Variants in ADAM17 observed in about 807,000 individuals in gnomAD.
ADAM17 encodes the protein ADAM metallopeptidase domain 17, also known as disintegrin and metalloproteinase domain-containing protein 17.
A neutral mutation model predicts 96.7 loss-of-function variants in ADAM17; 39 were observed. The observed-to-expected ratio is 0.40, with a 90% CI of 0.31 to 0.53. ADAM17 has a LOEUF of 0.53. Ranked by LOEUF, ADAM17 falls within the 20% of genes least tolerant of loss-of-function variation. The probability of loss-of-function intolerance (pLI) is 0.44; values close to 1 mark genes in which losing one functional copy is unlikely to be tolerated. For missense variants in ADAM17, 777 were observed against 1,013.2 expected (o/e 0.77, Z 3.17); for synonymous variants, 344 against 359.2 (o/e 0.96, Z 0.48).
At position 9,510,134 on chromosome 2, in the gene ADAM17, T is replaced by TA. The variant is rs374848572; in HGVS notation, c.1192-4dup. 3.2e-5 allele frequency: 51 copies of TA among 1,614,022 alleles called. No homozygotes were observed. Among genetic ancestry groups the TA allele is most frequent in the Non-Finnish European group, 4.2e-5 (49 of 1,179,948 alleles). ...TGAGTTGTAACCAGGTCAGCTTCCTTAAGGATCATGCAAAGAAAACATTAT... is the reference window on the plus strand; with the variant it reads ...TGAGTTGTAACCAGGTCAGCTTCCTTAAAGGATCATGCAAAGAAAACATTAT... On this transcript the variant is annotated splice_polypyrimidine_tract_variant and splice_region_variant and intron_variant, in intron 10 of 18. Transcript: ENST00000310823.
chr2:9,545,532 T>C (rs1051104994), intron 1 of ADAM17, among the ~76,000 whole-genome samples: 6 of 151,606 alleles, frequency 4.0e-5, no homozygotes, highest in African/African-American at 1.2e-4. Context: ...ATCACACCAC[T>C]ACTCTCCAGC....
chr2:9,517,825 TA>T (rs1664132208), intron 10 of ADAM17, 75 bp downstream of exon 10: 1 of 969,268 alleles, frequency 1.0e-6, no homozygotes. Context: ...TTTAAAAAAA[TA>T]CCTACATAAA....
intron 4 of ADAM17, among the ~76,000 whole-genome samples, chr2:9,530,577 G>A (rs1292417634): frequency 6.6e-6 from 1 of 152,076 alleles, no homozygotes; most frequent in Non-Finnish European, 1.5e-5. Flanking sequence ...ATGAGTAATT[G>A]ACTAAAAGGC....
chr2:9,537,774 T>C (rs1665022052), intron 2 of ADAM17, among the ~76,000 whole-genome samples: 1 of 149,244 alleles, frequency 6.7e-6, no homozygotes, highest in Admixed American at 6.7e-5. Context: ...AAACAACATA[T>C]CTTGCAAAAA....
At chr2:9,514,512 A>AATATAAATAT (rs1166746297) in intron 10 of ADAM17, among the ~76,000 whole-genome samples, 1 of 89,240 alleles carries the variant, frequency 1.1e-5, no homozygotes, top group Admixed American at 1.5e-4. Flanking sequence ...TTAAATTTAA[A>AATATAAATAT]ATATAAATAT....
chr2:9,520,984 A>AAAAAAAAAAAAAAAT (rs1664284442), intron 8 of ADAM17, among the ~76,000 whole-genome samples: 1 of 147,778 alleles, frequency 6.8e-6, no homozygotes, highest in Non-Finnish European at 1.5e-5. Context: ...AAAAAAAAAA[A>AAAAAAAAAAAAAAAT]AAGGAAGCAT....
At chr2:9,503,406 C>G (rs1436853554) in intron 12 of ADAM17, among the ~76,000 whole-genome samples, 1 of 152,170 alleles carries the variant, frequency 6.6e-6, no homozygotes, top group African/African-American at 2.4e-5. Context: ...CCACACTATT[C>G]CAGTATATAG....
rs895479845 is a variant in ADAM17, at chr2:9,489,761, G to A, written c.*416C>T. 2 of 124,652 alleles carry A rather than the reference G, an allele frequency of 1.6e-5. No individual in the cohort carries two copies. Among genetic ancestry groups the A allele is most frequent in the African/African-American group, 6.2e-5 (2 of 32,228 alleles). The allele number at this position is 124,652 out of a possible 1,614,324, so 7.7% of individuals were successfully genotyped here. On this transcript the variant is annotated 3_prime_UTR_variant, in exon 19 of 19. Coordinates refer to ENST00000310823, the MANE Select transcript of ADAM17 (RefSeq NM_003183.6). ...AAAAAAAAAAAAAACTATTCCAGTT[G>A]TCATCACAAATAAATGCCAAATGCC...
At chr2:9,499,273 A>T (rs1662850301) in intron 13 of ADAM17, among the ~76,000 whole-genome samples, 1 of 152,168 alleles carries the variant, frequency 6.6e-6, no homozygotes, top group Non-Finnish European at 1.5e-5. Context: ...AAATTGTTTT[A>T]CTTACGTTTA....
At chr2:9,514,203 T>C (rs1035076487) in intron 10 of ADAM17, among the ~76,000 whole-genome samples, 2 of 151,660 alleles carry the variant, frequency 1.3e-5, no homozygotes, top group African/African-American at 4.8e-5. Context: ...TTCATGTCCT[T>C]CGTAGGGACA....
rs559126300 is a variant in ADAM17 at position 9,514,669 on chromosome 2, T to C, written c.1191+3232A>G. ...CGGGCAGATCACAAGGTCAGGAGATTGAGACCATCCTGGCTAACACAGTGA... is the reference window on the plus strand; with the variant it reads ...CGGGCAGATCACAAGGTCAGGAGATCGAGACCATCCTGGCTAACACAGTGA... On this transcript the variant is annotated intron_variant, in intron 10 of 18. Transcript: ENST00000310823. Among the ~76,000 whole-genome samples, 28 of 149,408 alleles carry C rather than the reference T, an allele frequency of 1.9e-4. No homozygotes were observed. The South Asian group carries it at 1.9e-3, about 10-fold the overall frequency.
chr2:9,540,364 T>TA (rs1187362190), intron 2 of ADAM17, among the ~76,000 whole-genome samples: 2 of 152,140 alleles, frequency 1.3e-5, no homozygotes, highest in African/African-American at 4.8e-5. Context: ...CTTGGGCAAG[T>TA]TACTAAGCTG....
chr2:9,533,835 G>A (rs768739299), intron 4 of ADAM17, among the ~76,000 whole-genome samples: 39 of 152,182 alleles, frequency 2.6e-4, no homozygotes, highest in African/African-American at 9.2e-4. Context: ...CAAAGTAGAG[G>A]AGAACCACCT....
rs559069768 is a variant in ADAM17 at position 9,551,175 on chromosome 2, C to A, written c.97+4334G>T. The stretch of plus-strand genomic sequence containing the variant: ...AGAACAAGTCCAGGTCAGAGATACA[C>A]GTCTAGTCATTAGCAGAACACTGTC... On this transcript the variant is annotated intron_variant, in intron 1 of 18. Coordinates refer to ENST00000310823, the MANE Select transcript of ADAM17 (RefSeq NM_003183.6). Among the ~76,000 whole-genome samples, 3 of 150,532 alleles carry A rather than the reference C, an allele frequency of 2.0e-5. No homozygotes were observed. In the East Asian group the frequency reaches 5.9e-4, roughly 29 times the overall value.
chr2:9,516,631 T>C (rs1664072734), intron 10 of ADAM17, among the ~76,000 whole-genome samples: 1 of 152,142 alleles, frequency 6.6e-6, no homozygotes, highest in Middle Eastern at 3.4e-3. Context: ...CAGGTGCTTG[T>C]AATCCCAACT....
At chr2:9,520,299 A>T (rs1664252847) in intron 8 of ADAM17, among the ~76,000 whole-genome samples, 1 of 152,250 alleles carries the variant, frequency 6.6e-6, no homozygotes, top group African/African-American at 2.4e-5. Flanking sequence ...CACCAAAGTA[A>T]TAGCACACAC....
At chr2:9,522,962 G>C (rs980034396) in intron 7 of ADAM17, among the ~76,000 whole-genome samples, 3 of 152,134 alleles carry the variant, frequency 2.0e-5, no homozygotes, top group African/African-American at 2.4e-5. Flanking sequence ...ATAATCGGAG[G>C]GGGGAAGAAA....
intron 1 of ADAM17, among the ~76,000 whole-genome samples, chr2:9,551,520 C>T (rs1027377006): frequency 1.3e-5 from 2 of 152,088 alleles, no homozygotes; most frequent in Non-Finnish European, 2.9e-5. Context: ...AGTGCAGTGG[C>T]GCGATCTCGG....
chr2:9,543,094 G>GT, intron 2 of ADAM17, 59 bp downstream of exon 2: 3 of 1,479,392 alleles, frequency 2.0e-6, no homozygotes, highest in Non-Finnish European at 2.7e-6. Flanking sequence ...TTACTTTTTT[G>GT]TTTTTGCCAA....
Sources: allele counts gnomAD v4.1 joint callset (sites outside exome capture counted in the v4.1 genomes callset), GRCh38; gene constraint gnomAD v4.1.1; transcripts MANE v1.5; gene names NCBI Gene and HGNC (gene_info 2026-07-23, HGNC 2026-07-21).